MRTFB: variants seen among roughly 807,000 people sequenced by gnomAD.
MRTFB encodes myocardin-related transcription factor B.
In MRTFB, 29 loss-of-function variants were observed where a neutral mutation model predicts 104.2. That is an observed-to-expected ratio of 0.28 (90% confidence interval 0.21 to 0.38). The LOEUF is 0.38. Among genes scored for constraint, MRTFB ranks in the 10% least tolerant of loss-of-function variants. The pLI is 1.00. For missense variants in MRTFB, 1,270 were observed against 1,341.6 expected (o/e 0.95, Z 0.83); for synonymous variants, 535 against 519.5 (o/e 1.03, Z -0.41).
In MRTFB at chr16:14,258,105, C is replaced by T; in HGVS notation, c.2708C>T (p.Ser903Phe). ...RSTQAPLPEI[S>F]NAHSQQMDDL... ...TTGTACTCTCCTTCATTGTAGATTT[C>T]CAACGCTCACAGTCAGCAGATGGAT... Residue 903 changes from serine (S) to phenylalanine (F), a missense_variant, in exon 16 of 17, where the codon TCC becomes TTC. Around this residue, in one of 3 missense-constraint regions of MRTFB, gnomAD observed 1,144 missense variants for 1,131.5 expected, o/e 1.01. Coordinates refer to ENST00000571589, the MANE Select transcript of MRTFB (RefSeq NM_001308142.2). 2.5e-6 allele frequency: 4 copies of T among 1,613,776 alleles called. No individual in the cohort carries two copies. Among genetic ancestry groups the T allele is most frequent in the Non-Finnish European group, 3.4e-6 (4 of 1,179,736 alleles).
At chr16:14,035,711 G>A in the MRTFB span, among the ~76,000 whole-genome samples, 30 of 152,124 alleles carry the variant, frequency 2.0e-4, no homozygotes, top group East Asian at 3.3e-3. Flanking sequence ...AAAAAAAAAT[G>A]ATTTCCATAT....
chr16:14,244,002 C>T (rs748982292), intron 10 of MRTFB, among the ~76,000 whole-genome samples: 7 of 152,070 alleles, frequency 4.6e-5, no homozygotes, highest in Non-Finnish European at 8.8e-5. Flanking sequence ...CTCAGCCTCC[C>T]GAGTAGCTGG....
chr16:14,245,876 G>C (rs1330303004), intron 11 of MRTFB, among the ~76,000 whole-genome samples: 2 of 152,176 alleles, frequency 1.3e-5, no homozygotes, highest in African/African-American at 4.8e-5. Context: ...ACCTTGTGCA[G>C]GCACCTACCA....
the MRTFB span, among the ~76,000 whole-genome samples, chr16:14,024,355 A>G: frequency 6.6e-6 from 1 of 152,204 alleles, no homozygotes; most frequent in Non-Finnish European, 1.5e-5. Context: ...TCTCCTTTGG[A>G]CACTGTATTT....
Position 14,265,372 on chromosome 16 carries a change from A to T in MRTFB, c.*3928A>T, listed in dbSNP as rs1161017179. The stretch of plus-strand genomic sequence containing the variant: ...AGAATTAGCCCAAAATTATCAAAGA[A>T]CATTAACTGGAAGGTCAGGTTTTTC... On this transcript the variant is annotated 3_prime_UTR_variant, in exon 17 of 17. Coordinates refer to ENST00000571589, the MANE Select transcript of MRTFB (RefSeq NM_001308142.2). 6.6e-6 allele frequency: 1 copy of T among 152,228 alleles called. No individual in the cohort carries two copies. The highest frequency in any genetic ancestry group is 6.5e-5 in the Admixed American group (1 of 15,280). The allele number at this position is 152,228 out of a possible 1,614,324, so 9.4% of individuals were successfully genotyped here.
At chr16:14,200,790 G>C (rs184766722) in intron 3 of MRTFB, 3 of 1,467,108 alleles carry the variant, frequency 2.0e-6, no homozygotes, top group Non-Finnish European at 9.5e-7. Context: ...TTCAGTGCAC[G>C]CTTCTCCTTC....
the MRTFB span, chr16:14,015,867 C>T: frequency 2.5e-6 from 1 of 398,608 alleles, no homozygotes; most frequent in Non-Finnish European, 4.4e-6. Context: ...CTTACCTGTG[C>T]TTACAGGTAA....
intron 4 of MRTFB, 97 bp downstream of exon 4, chr16:14,210,405 A>G (rs2041141817): frequency 2.3e-6 from 2 of 879,634 alleles, no homozygotes; most frequent in South Asian, 1.9e-5. Flanking sequence ...AGTTGTATCC[A>G]TTTAATCAAC....
chr16:14,068,558 C>T (rs553901428), upstream of MRTFB, among the ~76,000 whole-genome samples: 21 of 152,112 alleles, frequency 1.4e-4, no homozygotes, highest in African/African-American at 4.8e-4. Flanking sequence ...TGTGTTGTTG[C>T]GTGTTGTTGT....
intron 1 of MRTFB, among the ~76,000 whole-genome samples, chr16:14,078,523 A>G (rs895393005): frequency 6.6e-6 from 1 of 151,750 alleles, no homozygotes; most frequent in Non-Finnish European, 1.5e-5. Context: ...TTGAACTCCT[A>G]GGCTCAATCA....
chr16:14,037,635 C>T, the MRTFB span, among the ~76,000 whole-genome samples: 1 of 152,182 alleles, frequency 6.6e-6, no homozygotes. Flanking sequence ...GAAAAGAGCA[C>T]AGTTCCCTGG....
At chr16:14,108,083 A>C (rs1193660149) in intron 2 of MRTFB, among the ~76,000 whole-genome samples, 1 of 152,134 alleles carries the variant, frequency 6.6e-6, no homozygotes, top group Admixed American at 6.5e-5. Flanking sequence ...GCTTAGAGTA[A>C]ATTGAGCTAA....
chr16:14,083,619 C>T (rs576600407), intron 2 of MRTFB, among the ~76,000 whole-genome samples: 2 of 152,334 alleles, frequency 1.3e-5, no homozygotes, highest in South Asian at 2.1e-4. Context: ...TATCTCTCTC[C>T]ACGCTGTGCT....
intron 3 of MRTFB, among the ~76,000 whole-genome samples, chr16:14,155,919 C>G (rs2038809672): frequency 1.3e-5 from 2 of 152,166 alleles, no homozygotes; most frequent in Non-Finnish European, 2.9e-5. Flanking sequence ...CAGCATAGAT[C>G]CTGTTTTTCA....
chr16:14,235,627 G>A (rs1305553620), intron 9 of MRTFB, among the ~76,000 whole-genome samples: 1 of 152,180 alleles, frequency 6.6e-6, no homozygotes, highest in African/African-American at 2.4e-5. Flanking sequence ...AACACATTAG[G>A]AAACAGACCA....
the MRTFB span, among the ~76,000 whole-genome samples, chr16:14,007,122 T>G: frequency 2.6e-5 from 4 of 152,196 alleles, no homozygotes; most frequent in Admixed American, 6.5e-5. Context: ...TTTCAGTAAA[T>G]TCAGAGTTGT....
intron 3 of MRTFB, chr16:14,144,572 G>C (rs914687749): frequency 6.6e-6 from 1 of 152,114 alleles, no homozygotes; most frequent in Admixed American, 6.5e-5. Context: ...GAAAAAAATA[G>C]TAAACATTTG....
At chr16:14,222,072 A>C (rs569418674) in intron 8 of MRTFB, among the ~76,000 whole-genome samples, 1 of 152,058 alleles carries the variant, frequency 6.6e-6, no homozygotes, top group East Asian at 1.9e-4. Flanking sequence ...GAGCCGCCGC[A>C]CCTGGCCCAT....
chr16:14,215,082 C>A (rs2041358774), intron 6 of MRTFB: 1 of 152,162 alleles, frequency 6.6e-6, no homozygotes, highest in African/African-American at 2.4e-5. Flanking sequence ...CTATAAGGGA[C>A]ATTTTTGTAG....
Sources: allele counts gnomAD v4.1 joint callset (sites outside exome capture counted in the v4.1 genomes callset), GRCh38; gene constraint gnomAD v4.1.1; regional missense constraint gnomAD v4.1.1; transcripts MANE v1.5; gene names NCBI Gene and HGNC (gene_info 2026-07-23, HGNC 2026-07-21).